SNRPN: variants seen among roughly 807,000 people sequenced by gnomAD.
SNRPN encodes small nuclear ribonucleoprotein-associated protein N.
In SNRPN, 7 loss-of-function variants were observed where a neutral mutation model predicts 25.2. The observed-to-expected ratio is 0.28, with a 90% CI of 0.16 to 0.52. SNRPN has a LOEUF of 0.52. Ranked by LOEUF, SNRPN falls within the 20% of genes least tolerant of loss-of-function variation. The pLI is 0.96. For missense variants in SNRPN, 196 were observed against 322.5 expected, an observed-to-expected ratio of 0.61 and a Z score of 3.00; for synonymous variants, 124 against 110.6, an observed-to-expected ratio of 1.12 and a Z score of -0.76.
intron 3 of SNRPN, among the ~76,000 whole-genome samples, chr15:24,971,252 T>C (rs2153631074): frequency 6.6e-6 from 1 of 152,358 alleles, no homozygotes; most frequent in Middle Eastern, 3.4e-3. Flanking sequence ...ACACTATGAC[T>C]GCTCATCCAT....
At chr15:24,911,618 T>C (rs919901813) in intron 2 of SNRPN, among the ~76,000 whole-genome samples, 2 of 152,220 alleles carry the variant, frequency 1.3e-5, no homozygotes, top group Non-Finnish European at 2.9e-5. Context: ...TGGGGCAGCA[T>C]GCATGTGGTG....
intron 1 of SNRPN, among the ~76,000 whole-genome samples, chr15:24,858,401 T>C (rs768330481): frequency 1.3e-5 from 2 of 152,142 alleles, no homozygotes; most frequent in Non-Finnish European, 2.9e-5. Context: ...TTTGCAAAGA[T>C]GGTTTCAAAT....
intron 3 of SNRPN, among the ~76,000 whole-genome samples, chr15:24,932,359 C>T (rs1056902701): frequency 1.3e-5 from 2 of 151,702 alleles, no homozygotes; most frequent in East Asian, 2.0e-4. Context: ...CTCAGCCTCC[C>T]GAGGAGCTGG....
chr15:24,824,641 T>C (rs747427564), intron 1 of SNRPN, among the ~76,000 whole-genome samples: 1 of 152,128 alleles, frequency 6.6e-6, no homozygotes, highest in Admixed American at 6.5e-5. Flanking sequence ...AAACTACTTT[T>C]TTAATTTTTA....
chr15:24,913,934 G>A (rs776696175), intron 2 of SNRPN, among the ~76,000 whole-genome samples: 2 of 152,134 alleles, frequency 1.3e-5, no homozygotes, highest in African/African-American at 4.8e-5. Flanking sequence ...GATTGTGTCC[G>A]TAGGGGTGAC....
upstream of SNRPN, among the ~76,000 whole-genome samples, chr15:24,954,511 T>C (rs918464386): frequency 1.2e-4 from 19 of 152,132 alleles, no homozygotes; most frequent in Non-Finnish European, 2.6e-4. Context: ...ATTTGAACAA[T>C]GTAGCATGCT....
At chr15:24,841,615 AC>A (rs2051714752) in intron 2 of SNRPN, among the ~76,000 whole-genome samples, 1 of 152,086 alleles carries the variant, frequency 6.6e-6, no homozygotes, top group African/African-American at 2.4e-5. Context: ...TTCAGTAGGG[AC>A]CTAGAGGCCT....
At chr15:24,856,053 C>CT (rs901485433), upstream of SNRPN, among the ~76,000 whole-genome samples, 18 of 151,112 alleles carry the variant, frequency 1.2e-4, no homozygotes, top group South Asian at 2.1e-3. Context: ...TTGCTCTCTC[C>CT]TTTTTTTTTC....
intron 2 of SNRPN, among the ~76,000 whole-genome samples, chr15:24,894,983 C>G (rs2057980257): frequency 6.6e-6 from 1 of 152,070 alleles, no homozygotes; most frequent in South Asian, 2.1e-4. Flanking sequence ...AAAACTAAGC[C>G]CAAAAGAAGC....
intron 2 of SNRPN, among the ~76,000 whole-genome samples, chr15:24,836,505 G>A (rs1048075413): frequency 4.6e-5 from 7 of 151,904 alleles, no homozygotes; most frequent in South Asian, 2.1e-4. Flanking sequence ...TCTGCGTCCC[G>A]TTTTCAAGCG....
chr15:24,928,644 T>TTA (rs1566922776), intron 3 of SNRPN, among the ~76,000 whole-genome samples: 2 of 151,336 alleles, frequency 1.3e-5, no homozygotes, highest in African/African-American at 4.9e-5. Flanking sequence ...TTCCCTCTTT[T>TTA]ATTTTTTTTG....
Position 24,978,180 on chromosome 15 carries a change from T to G in SNRPN, c.560-13T>G. 1 of 1,609,522 alleles carries G rather than the reference T, an allele frequency of 6.2e-7. No individual in the cohort carries two copies. Among genetic ancestry groups the G allele is most frequent in the Non-Finnish European group, 8.5e-7 (1 of 1,177,592 alleles). On this transcript the variant is annotated splice_polypyrimidine_tract_variant and intron_variant, in intron 8 of 9. Coordinates refer to ENST00000390687, the MANE Select transcript of SNRPN (RefSeq NM_003097.6). ...TTTTATGAGGCCTTTATTTCTACCA[T>G]TTTTCACTGTAGGCATTATGGCTCC...
chr15:24,911,259 A>G, intron 2 of SNRPN: 2 of 420,944 alleles, frequency 4.8e-6, no homozygotes, highest in Non-Finnish European at 4.2e-6. Flanking sequence ...AGGAGACAAA[A>G]CCAACTGTGT....
At chr15:24,845,179 C>T (rs1468133293) in intron 2 of SNRPN, among the ~76,000 whole-genome samples, 1 of 152,158 alleles carries the variant, frequency 6.6e-6, no homozygotes, top group Non-Finnish European at 1.5e-5. Context: ...TATCCTTATA[C>T]ATATCCATAT....
intron 2 of SNRPN, among the ~76,000 whole-genome samples, chr15:24,902,014 C>A (rs1457521260): frequency 2.6e-5 from 4 of 152,152 alleles, no homozygotes; most frequent in African/African-American, 9.7e-5. Context: ...TAACGTAAGA[C>A]AAGATCTAAT....
At chr15:24,922,132 G>A (rs1377994001) in intron 3 of SNRPN, among the ~76,000 whole-genome samples, 1 of 151,862 alleles carries the variant, frequency 6.6e-6, no homozygotes, top group Non-Finnish European at 1.5e-5. Flanking sequence ...AGAATCGCTT[G>A]AACCTGGGAG....
At chr15:24,954,494 G>A (rs1167021469), upstream of SNRPN, among the ~76,000 whole-genome samples, 1 of 152,058 alleles carries the variant, frequency 6.6e-6, no homozygotes, top group East Asian at 1.9e-4. Context: ...TAGAAAAATC[G>A]CACCAAATTT....
chr15:24,956,371 C>T (rs2153368502), intron 1 of SNRPN, among the ~76,000 whole-genome samples: 1 of 149,682 alleles, frequency 6.7e-6, no homozygotes, highest in South Asian at 2.1e-4. Context: ...GTGGCCGCTT[C>T]CTCCCTGTAG....
At position 24,909,329 on chromosome 15, in the gene SNRPN, C is replaced by T. The variant is rs191228379; in HGVS notation, c.-504-10682C>T. ...GATAGACAAGCCTCCATCCACAGCT[C>T]CCTTCAGGGCACCAAAAACTTTATT... On this transcript the variant is annotated intron_variant, in intron 2 of 11. Transcript: ENST00000400097. 86 of 1,603,402 alleles carry T rather than the reference C, an allele frequency of 5.4e-5. No homozygotes were observed. In the Admixed American group the frequency reaches 1.3e-3, roughly 25 times the overall value.
Sources: gnomAD v4.1 joint callset for allele counts (sites outside exome capture counted in the v4.1 genomes callset) on GRCh38, gnomAD v4.1.1 for gene constraint, MANE v1.5 for transcripts, NCBI Gene and HGNC (gene_info 2026-07-23, HGNC 2026-07-21) for gene names.